The following SORCS3 variants were observed in gnomAD, a reference collection of about 807,000 sequenced individuals.
SORCS3 encodes sortilin related VPS10 domain containing receptor 3, also known as VPS10 domain-containing receptor SorCS3.
Under a neutral mutation model 146.3 loss-of-function variants are expected in SORCS3, and 57 were observed. The observed-to-expected ratio is 0.39, with a 90% CI of 0.31 to 0.49. The LOEUF (loss-of-function observed/expected upper bound fraction) is 0.49, where lower values mean the gene tolerates loss of function less well. Among genes scored for constraint, SORCS3 ranks in the 20% least tolerant of loss-of-function variants. The pLI is 0.92. For missense variants in SORCS3, 1,341 were observed against 1,575.5 expected, an observed-to-expected ratio of 0.85 and a Z score of 2.52; for synonymous variants, 653 against 618.5, an observed-to-expected ratio of 1.06 and a Z score of -0.83.
intron 1 of SORCS3, among the ~76,000 whole-genome samples, chr10:104,773,722 A>G (rs189950494): frequency 8.0e-4 from 122 of 152,326 alleles, no homozygotes; most frequent in African/African-American, 2.4e-3. Context: ...TATATGTGAA[A>G]GGATGTACAT....
chr10:104,848,425 G>C (rs1383851801), intron 2 of SORCS3, among the ~76,000 whole-genome samples: 2 of 152,114 alleles, frequency 1.3e-5, no homozygotes, highest in African/African-American at 4.8e-5. Flanking sequence ...GAAGTTATTA[G>C]TTTACAAATT....
At chr10:104,749,805 A>G (rs1262145375) in intron 1 of SORCS3, among the ~76,000 whole-genome samples, 1 of 152,078 alleles carries the variant, frequency 6.6e-6, no homozygotes, top group Non-Finnish European at 1.5e-5. Flanking sequence ...CATACATTTC[A>G]TATTTTTCAT....
At chr10:104,800,287 T>C (rs1023806644) in intron 1 of SORCS3, among the ~76,000 whole-genome samples, 10 of 151,958 alleles carry the variant, frequency 6.6e-5, no homozygotes, top group African/African-American at 2.4e-4. Flanking sequence ...AGGCAAAACT[T>C]TGGAGACAGT....
chr10:105,188,192 G>T (rs1253146664), intron 14 of SORCS3, among the ~76,000 whole-genome samples: 1 of 152,096 alleles, frequency 6.6e-6, no homozygotes, highest in Non-Finnish European at 1.5e-5. Context: ...GAACATCACA[G>T]AATATTAAAA....
chr10:104,717,983 A>C (rs1316151757), intron 1 of SORCS3, among the ~76,000 whole-genome samples: 1 of 151,968 alleles, frequency 6.6e-6, no homozygotes, highest in Non-Finnish European at 1.5e-5. Flanking sequence ...TCTACTAAAA[A>C]TACAAAAATA....
chr10:104,777,926 A>G (rs976871363), intron 1 of SORCS3, among the ~76,000 whole-genome samples: 1 of 152,190 alleles, frequency 6.6e-6, no homozygotes, highest in Non-Finnish European at 1.5e-5. Context: ...ATTATATCTC[A>G]TAGAGGTAGA....
At chr10:104,818,229 C>A (rs1379137893) in intron 1 of SORCS3, among the ~76,000 whole-genome samples, 1 of 152,130 alleles carries the variant, frequency 6.6e-6, no homozygotes, top group East Asian at 1.9e-4. Flanking sequence ...GTGACCCAAC[C>A]TCTTGACAAA....
intron 1 of SORCS3, among the ~76,000 whole-genome samples, chr10:104,815,687 C>G (rs1379758740): frequency 6.6e-6 from 1 of 151,882 alleles, no homozygotes; most frequent in Non-Finnish European, 1.5e-5. Context: ...TTAAGGTAGG[C>G]TTCAGGCAAA....
At chr10:104,842,435 C>T (rs771142194) in intron 1 of SORCS3, among the ~76,000 whole-genome samples, 2 of 152,196 alleles carry the variant, frequency 1.3e-5, no homozygotes, top group Non-Finnish European at 2.9e-5. Flanking sequence ...AGCCTATCAT[C>T]TGATCTCTGG....
At chr10:105,090,228 G>A (rs2055692844) in intron 6 of SORCS3, among the ~76,000 whole-genome samples, 1 of 152,140 alleles carries the variant, frequency 6.6e-6, no homozygotes, top group African/African-American at 2.4e-5. Context: ...ACCAAAAAAT[G>A]TAATGGGGCA....
chr10:104,695,765 C>T (rs1393142739), intron 1 of SORCS3, among the ~76,000 whole-genome samples: 1 of 151,216 alleles, frequency 6.6e-6, no homozygotes, highest in Non-Finnish European at 1.5e-5. Context: ...TTTTCTAGAT[C>T]CGTATATATA....
chr10:105,090,930 C>G (rs1191559408), intron 6 of SORCS3, among the ~76,000 whole-genome samples: 2 of 152,206 alleles, frequency 1.3e-5, no homozygotes, highest in Admixed American at 6.5e-5. Flanking sequence ...CAGGAGAAAT[C>G]TACTGTTGGA....
intron 5 of SORCS3, among the ~76,000 whole-genome samples, chr10:105,067,888 C>T (rs1477123787): frequency 6.6e-6 from 1 of 151,906 alleles, no homozygotes; most frequent in Non-Finnish European, 1.5e-5. Flanking sequence ...GCTTGCTTCT[C>T]TTGGGTTGGA....
At chr10:105,056,836 C>T (rs2055449005) in intron 5 of SORCS3, among the ~76,000 whole-genome samples, 1 of 152,176 alleles carries the variant, frequency 6.6e-6, no homozygotes, top group Non-Finnish European at 1.5e-5. Flanking sequence ...ATCATTTTAA[C>T]ACAATACTTT....
chr10:105,124,435 C>T (rs1044810078), intron 7 of SORCS3, among the ~76,000 whole-genome samples: 2 of 152,164 alleles, frequency 1.3e-5, no homozygotes, highest in East Asian at 1.9e-4. Flanking sequence ...CCTGGTGAAG[C>T]AGGGAAGAAG....
chr10:105,220,491 T>C (rs367908281), intron 19 of SORCS3, among the ~76,000 whole-genome samples: 206 of 152,260 alleles, frequency 1.4e-3, no homozygotes, highest in Non-Finnish European at 1.9e-3. Context: ...CCATGAACCA[T>C]AGCTGCATCA....
At chr10:104,928,571 T>C (rs990522136) in intron 3 of SORCS3, among the ~76,000 whole-genome samples, 3 of 152,090 alleles carry the variant, frequency 2.0e-5, no homozygotes, top group Middle Eastern at 3.4e-3. Flanking sequence ...GCTACTGGCA[T>C]GCATGCCTCC....
chr10:105,119,937 T>A (rs2055919891), intron 7 of SORCS3, among the ~76,000 whole-genome samples: 1 of 152,184 alleles, frequency 6.6e-6, no homozygotes, highest in African/African-American at 2.4e-5. Flanking sequence ...TGGGGAACTT[T>A]TGGAAAGGCA....
chr10:104,871,210 C>T (rs964602288), intron 2 of SORCS3, among the ~76,000 whole-genome samples: 2 of 152,072 alleles, frequency 1.3e-5, no homozygotes, highest in African/African-American at 4.8e-5. Flanking sequence ...AGTATTTGAA[C>T]TATATCTGTT....
Sources: gnomAD v4.1 joint callset for allele counts (sites outside exome capture counted in the v4.1 genomes callset) on GRCh38, gnomAD v4.1.1 for gene constraint, MANE v1.5 for transcripts, NCBI Gene and HGNC (gene_info 2026-07-23, HGNC 2026-07-21) for gene names.